KCNIP1: variants seen among roughly 807,000 people sequenced by gnomAD.
The protein encoded by KCNIP1 is potassium voltage-gated channel interacting protein 1.
In KCNIP1, 18 loss-of-function variants were observed where a neutral mutation model predicts 33.0. The ratio of observed to expected loss-of-function variants is 0.55; its 90% CI spans 0.38 to 0.81. The LOEUF (loss-of-function observed/expected upper bound fraction) is 0.81. Ranked by LOEUF, KCNIP1 falls within the 30% of genes least tolerant of loss-of-function variation. KCNIP1 has a pLI of 0.00. For synonymous variants in KCNIP1, 93 were observed against 98.3 expected, an observed-to-expected ratio of 0.95 and a Z score of 0.32; for missense variants, 238 against 271.6, an observed-to-expected ratio of 0.88 and a Z score of 0.87.
chr5:170,639,685 G>A (rs962578746), intron 1 of KCNIP1: 4 of 152,312 alleles, frequency 2.6e-5, no homozygotes, highest in African/African-American at 7.2e-5. Context: ...GTGGCCCTTG[G>A]AACCTTCCTC....
intron 1 of KCNIP1, among the ~76,000 whole-genome samples, chr5:170,434,725 C>T (rs938639876): frequency 2.6e-5 from 4 of 152,090 alleles, no homozygotes; most frequent in South Asian, 2.1e-4. Context: ...GAGGCCGAGG[C>T]GGATGGATCA....
chr5:170,657,557 C>G (rs1192648616), intron 1 of KCNIP1, among the ~76,000 whole-genome samples: 1 of 152,192 alleles, frequency 6.6e-6, no homozygotes, highest in African/African-American at 2.4e-5. Flanking sequence ...GAGATTAACC[C>G]TTTCCCAAGG....
intron 1 of KCNIP1, among the ~76,000 whole-genome samples, chr5:170,651,525 C>T (rs2113722716): frequency 6.6e-6 from 1 of 152,276 alleles, no homozygotes; most frequent in East Asian, 1.9e-4. Context: ...CTGGGCGTCT[C>T]CTTAGCAAAT....
intron 1 of KCNIP1, among the ~76,000 whole-genome samples, chr5:170,467,382 C>A (rs1424544775): frequency 1.3e-5 from 2 of 152,140 alleles, no homozygotes; most frequent in African/African-American, 4.8e-5. Flanking sequence ...CAAAGACCAC[C>A]ATTACTTTTG....
chr5:170,487,478 A>C (rs1425844444), intron 1 of KCNIP1, among the ~76,000 whole-genome samples: 2 of 151,702 alleles, frequency 1.3e-5, no homozygotes, highest in African/African-American at 4.8e-5. Context: ...CCATGTTTTT[A>C]GCATGTTCAC....
chr5:170,676,305 C>T (rs1762144272), intron 1 of KCNIP1, among the ~76,000 whole-genome samples: 2 of 152,216 alleles, frequency 1.3e-5, no homozygotes, highest in South Asian at 4.2e-4. Context: ...TTAAACAAAC[C>T]CATCCTGTGC....
rs1452092690 is a variant in KCNIP1, at chr5:170,504,930, G to A, written c.61+297G>A. Among the ~76,000 whole-genome samples the A allele has an allele frequency of 1.3e-5, 2 of 152,214 alleles. No homozygotes were observed. Among genetic ancestry groups the A allele is most frequent in the Non-Finnish European group, 2.9e-5 (2 of 68,036 alleles). ...GAAGGAAGCGGCATGTTCACAGGTG[G>A]GGGTGACCGGATTCTCTGGTGGAAG... On this transcript the variant is annotated intron_variant, in intron 1 of 7. Transcript: ENST00000328939. This position sits in a 1 kb window ranked among gnomAD's most constrained non-coding sequence, Gnocchi z 6.0.
rs921292446 is a variant in KCNIP1 at position 170,468,223 on chromosome 5, A to G, written c.88+114259A>G. Among the ~76,000 whole-genome samples the G allele has an allele frequency of 3.3e-5, 5 of 152,330 alleles. No homozygotes were observed. In the South Asian group the frequency reaches 6.2e-4, roughly 19 times the overall value. On this transcript the variant is annotated intron_variant, in intron 1 of 7. Transcript: ENST00000377360. ...TTAATGAATTAGATTTATAACAATTACTTAAATATCTGAGAAGGTTTGTTA... is the reference window on the plus strand; with the variant it reads ...TTAATGAATTAGATTTATAACAATTGCTTAAATATCTGAGAAGGTTTGTTA...
chr5:170,676,673 C>G (rs1233518752), intron 1 of KCNIP1, among the ~76,000 whole-genome samples: 1 of 152,288 alleles, frequency 6.6e-6, no homozygotes, highest in East Asian at 1.9e-4. Flanking sequence ...CAGCAGCAAG[C>G]CCTGTTGAGT....
chr5:170,518,078 G>A (rs1755216289), intron 1 of KCNIP1, among the ~76,000 whole-genome samples: 1 of 152,006 alleles, frequency 6.6e-6, no homozygotes, highest in African/African-American at 2.4e-5. Flanking sequence ...AGTGATGGTG[G>A]TGGTGTGGTG....
intron 1 of KCNIP1, among the ~76,000 whole-genome samples, chr5:170,430,319 T>C (rs1755713409): frequency 6.6e-6 from 1 of 152,198 alleles, no homozygotes; most frequent in South Asian, 2.1e-4. Flanking sequence ...TGATTTACAT[T>C]TACTGTCTCA....
intron 1 of KCNIP1, among the ~76,000 whole-genome samples, chr5:170,484,806 C>T (rs1047417433): frequency 3.3e-5 from 5 of 151,948 alleles, no homozygotes; most frequent in African/African-American, 1.2e-4. Context: ...CGTTCTGCTT[C>T]TCCCTTCTTC....
At chr5:170,669,398 T>A in intron 1 of KCNIP1, 1 of 379,764 alleles carries the variant, frequency 2.6e-6, no homozygotes, top group Non-Finnish European at 3.6e-6. Flanking sequence ...CTCACTGTCC[T>A]TACTTGAATA....
At chr5:170,414,161 A>G (rs1755267800) in intron 1 of KCNIP1, among the ~76,000 whole-genome samples, 1 of 152,236 alleles carries the variant, frequency 6.6e-6, no homozygotes, top group Non-Finnish European at 1.5e-5. Flanking sequence ...CAGGCAAGGG[A>G]GAAGAAACTA....
intron 1 of KCNIP1, among the ~76,000 whole-genome samples, chr5:170,494,785 T>C (rs1279063695): frequency 6.6e-6 from 1 of 152,196 alleles, no homozygotes; most frequent in African/African-American, 2.4e-5. Context: ...TTCCCTCCAC[T>C]GCTCCCATCT....
At chr5:170,471,735 G>A (rs890935953) in intron 1 of KCNIP1, among the ~76,000 whole-genome samples, 8 of 151,978 alleles carry the variant, frequency 5.3e-5, no homozygotes, top group African/African-American at 1.9e-4. Context: ...TCTCCACCCT[G>A]GGGCCTCTCT....
chr5:170,413,787 G>C (rs1195297249), intron 1 of KCNIP1, among the ~76,000 whole-genome samples: 1 of 152,092 alleles, frequency 6.6e-6, no homozygotes, highest in African/African-American at 2.4e-5. Flanking sequence ...CCTTGTCACA[G>C]TGAGAAGGAG....
At chr5:170,371,471 G>C (rs1362198380) in intron 1 of KCNIP1, among the ~76,000 whole-genome samples, 1 of 152,212 alleles carries the variant, frequency 6.6e-6, no homozygotes, top group Admixed American at 6.5e-5. Flanking sequence ...ATGGGGTAAA[G>C]ACAAGAACAG....
intron 1 of KCNIP1, among the ~76,000 whole-genome samples, chr5:170,531,862 C>A (rs1170651587): frequency 6.8e-6 from 1 of 147,100 alleles, no homozygotes; most frequent in South Asian, 2.3e-4. Context: ...GTTGTCCTGT[C>A]CTCTAGAATC....
Sources: gnomAD v4.1 joint callset for allele counts (sites outside exome capture counted in the v4.1 genomes callset) on GRCh38, gnomAD v4.1.1 for gene constraint, Gnocchi (gnomAD v3.1) non-coding constraint, MANE v1.5 for transcripts, NCBI Gene and HGNC (gene_info 2026-07-23, HGNC 2026-07-21) for gene names.